Variants in SI observed in about 807,000 individuals in gnomAD.
SI encodes the protein sucrase-isomaltase, intestinal.
A neutral mutation model predicts 253.3 loss-of-function variants in SI; 235 were observed. The ratio of observed to expected loss-of-function variants is 0.93; its 90% CI spans 0.83 to 1.03. SI has a LOEUF of 1.03. Among genes scored for constraint, SI ranks in the 50% least tolerant of loss-of-function variants. SI has a pLI of 0.00. For synonymous variants in SI, 819 were observed against 712.0 expected, an observed-to-expected ratio of 1.15 and a Z score of -2.39; for missense variants, 2,442 against 2,211.1, an observed-to-expected ratio of 1.10 and a Z score of -2.09.
At chr3:165,023,850 C>A in intron 25 of SI, 74 bp from the exon 26 acceptor site, 1 of 976,820 alleles carries the variant, frequency 1.0e-6, no homozygotes, top group Non-Finnish European at 1.6e-6. Context: ...ATTATACTGA[C>A]GTTTAGTCAC....
rs138041809 is a variant in SI, at chr3:165,004,075, T to C, written c.4406+2741A>G. Reference sequence around the variant, plus strand: ...TGACAAGGGATTAATGACCAGAATATATAAGGAGCTCAAACAACTCTATAG... The same window carrying C: ...TGACAAGGGATTAATGACCAGAATACATAAGGAGCTCAAACAACTCTATAG... On this transcript the variant is annotated intron_variant, in intron 37 of 47. Transcript: ENST00000264382. Among the ~76,000 whole-genome samples the C allele has an allele frequency of 8.0e-3, 1,220 of 152,222 alleles. 24 individuals are homozygous for C. The highest frequency in any genetic ancestry group is 0.027 in the Middle Eastern group (8 of 294).
At chr3:165,074,355 C>A (rs1335844685) in intron 3 of SI, 176 bp downstream of exon 3, 1 of 354,404 alleles carries the variant, frequency 2.8e-6, no homozygotes, top group Non-Finnish European at 5.0e-6. Flanking sequence ...TAAAGGAAAG[C>A]AAGGTCAGTA....
intron 13 of SI, among the ~76,000 whole-genome samples, chr3:165,052,800 A>G (rs1232740302): frequency 1.3e-5 from 2 of 152,168 alleles, no homozygotes; most frequent in Non-Finnish European, 2.9e-5. Context: ...CCTATTTTTA[A>G]AAGAATTTGT....
intron 5 of SI, among the ~76,000 whole-genome samples, chr3:165,067,693 G>T (rs960089998): frequency 2.0e-5 from 3 of 151,958 alleles, no homozygotes; most frequent in Non-Finnish European, 4.4e-5. Flanking sequence ...GAAATACATA[G>T]AATTAGTTGG....
intron 25 of SI, among the ~76,000 whole-genome samples, chr3:165,027,700 A>C (rs1367908582): frequency 1.3e-5 from 2 of 151,482 alleles, no homozygotes; most frequent in Admixed American, 1.3e-4. Context: ...ACAGAATTAA[A>C]AACAAAAATC....
chr3:164,993,548 T>C (rs1164781202), intron 41 of SI, among the ~76,000 whole-genome samples: 1 of 151,722 alleles, frequency 6.6e-6, no homozygotes, highest in East Asian at 1.9e-4. Context: ...TCTCATTCAA[T>C]TACTCTGGTA....
In SI at chr3:165,023,735, T is replaced by A. The variant is rs779890126; in HGVS notation, c.2934A>T (p.Arg978Ser). 2 of 1,610,620 alleles carry A rather than the reference T, an allele frequency of 1.2e-6. No individual in the cohort carries two copies. Among genetic ancestry groups the A allele is most frequent in the Admixed American group, 1.7e-5 (1 of 59,648 alleles). The stretch of plus-strand genomic sequence containing the variant: ...AGTTGACTGAATAAGAGTTATCTTG[T>A]CTGGGAAAGTAACACTCAGGTGCTT... ...LSKAPECYFP[R>S]QDNSYSVNSA... is the part of the protein sequence containing the mutation. The change falls in exon 26 of 48, where the codon AGA becomes AGT. Residue 978 changes from arginine (R) to serine (S), a missense_variant. Coordinates refer to ENST00000264382, the MANE Select transcript of SI (RefSeq NM_001041.4).
chr3:165,036,609 T>G, intron 21 of SI, 132 bp from the exon 22 acceptor site: 1 of 604,326 alleles, frequency 1.7e-6, no homozygotes, highest in Non-Finnish European at 3.0e-6. Context: ...CATCAATAAA[T>G]TTGTATTTAT....
chr3:165,039,223 GA>G (rs1366482410), intron 19 of SI, 89 bp from the exon 20 acceptor site: 10 of 834,774 alleles, frequency 1.2e-5, no homozygotes, highest in Middle Eastern at 2.7e-4. Flanking sequence ...ATAGTCAAGG[GA>G]AAAAAACTTT....
At chr3:165,037,380 C>T (rs2108213078) in intron 21 of SI, among the ~76,000 whole-genome samples, 1 of 151,842 alleles carries the variant, frequency 6.6e-6, no homozygotes, top group African/African-American at 2.4e-5. Flanking sequence ...AATGGAGCAC[C>T]AGCATTTTCA....
chr3:165,082,135 T>C (rs1016913965), upstream of SI, among the ~76,000 whole-genome samples: 8 of 151,940 alleles, frequency 5.3e-5, no homozygotes, highest in Non-Finnish European at 7.4e-5. Context: ...AAAGTAGAAC[T>C]CTTTACCAGC....
At chr3:165,000,736 T>A (rs1718221316) in intron 37 of SI, among the ~76,000 whole-genome samples, 1 of 151,422 alleles carries the variant, frequency 6.6e-6, no homozygotes, top group Non-Finnish European at 1.5e-5. Context: ...TATATTCTAA[T>A]TATTTCCAAC....
chr3:165,081,564 G>A (rs1043087966), upstream of SI, among the ~76,000 whole-genome samples: 1 of 151,940 alleles, frequency 6.6e-6, no homozygotes, highest in Admixed American at 6.6e-5. Context: ...AGTTTTATAT[G>A]TTACTTGCCA....
intron 38 of SI, among the ~76,000 whole-genome samples, chr3:164,997,109 T>G (rs1183464669): frequency 6.6e-6 from 1 of 151,816 alleles, no homozygotes; most frequent in Non-Finnish European, 1.5e-5. Flanking sequence ...ATGCTATTTC[T>G]GCAGTTACTT....
chr3:165,068,887 A>G, intron 4 of SI, 56 bp from the exon 5 acceptor site: 1 of 1,169,296 alleles, frequency 8.6e-7, no homozygotes, highest in Non-Finnish European at 1.3e-6. Context: ...GTTAACAATT[A>G]TTAAATATAT....
intron 2 of SI, among the ~76,000 whole-genome samples, chr3:165,075,167 TA>T: frequency 6.6e-6 from 1 of 152,058 alleles, no homozygotes; most frequent in East Asian, 1.9e-4. Flanking sequence ...CAACGCCATA[TA>T]AATAACATTC....
At chr3:164,991,110 C>T (rs914295274) in intron 44 of SI, among the ~76,000 whole-genome samples, 4 of 152,030 alleles carry the variant, frequency 2.6e-5, no homozygotes, top group Non-Finnish European at 4.4e-5. Context: ...CTGCCTGGGT[C>T]GCTCCATGTC....
intron 34 of SI, among the ~76,000 whole-genome samples, chr3:165,009,952 G>A (rs1718697495): frequency 6.6e-6 from 1 of 152,032 alleles, no homozygotes; most frequent in African/African-American, 2.4e-5. Flanking sequence ...CAGTGTCAGA[G>A]TAACCGTGTT....
intron 15 of SI, among the ~76,000 whole-genome samples, chr3:165,048,553 ATACATATATATAT>A (rs1713247066): frequency 2.7e-5 from 3 of 111,052 alleles, no homozygotes; most frequent in African/African-American, 1.1e-4. Context: ...AAATATATAT[ATACATATATATAT>A]GTATATATAT....
Sources: gnomAD v4.1 joint callset for allele counts (sites outside exome capture counted in the v4.1 genomes callset) on GRCh38, gnomAD v4.1.1 for gene constraint, MANE v1.5 for transcripts, NCBI Gene and HGNC (gene_info 2026-07-23, HGNC 2026-07-21) for gene names.